The following FRAS1 variants were observed in gnomAD, a reference collection of about 807,000 sequenced individuals.
FRAS1 encodes the protein extracellular matrix organizing protein FRAS1.
Under a neutral mutation model 435.2 loss-of-function variants are expected in FRAS1, and 290 were observed. That is an observed-to-expected ratio of 0.67 (90% CI 0.61 to 0.73). The LOEUF is 0.73. Ranked by LOEUF, FRAS1 falls within the 30% of genes least tolerant of loss-of-function variation. The probability of loss-of-function intolerance (pLI) is 0.00; values close to 1 mark genes in which losing one functional copy is unlikely to be tolerated. For synonymous variants in FRAS1, 1,800 were observed against 1,851.0 expected, an observed-to-expected ratio of 0.97 and a Z score of 0.71; for missense variants, 4,860 against 5,001.5, an observed-to-expected ratio of 0.97 and a Z score of 0.85.
rs138544547 is a variant in FRAS1, at chr4:78,089,995, C to T, written c.108+23979C>T. 2.8e-3 allele frequency among the ~76,000 whole-genome samples: 429 copies of T among 152,176 alleles called. 1 individual carries two copies. The highest frequency in any genetic ancestry group is 9.8e-3 in the African/African-American group (405 of 41,518). ...CTCATGGTTTTCTGTCCCTATGTTACGAACTTCACCTTTTCATAATTTATT... is the reference window on the plus strand; with the variant it reads ...CTCATGGTTTTCTGTCCCTATGTTATGAACTTCACCTTTTCATAATTTATT... On this transcript the variant is annotated intron_variant, in intron 2 of 73. Coordinates refer to ENST00000512123, the MANE Select transcript of FRAS1 (RefSeq NM_025074.7).
intron 17 of FRAS1, among the ~76,000 whole-genome samples, chr4:78,318,334 C>G (rs1376712880): frequency 6.6e-6 from 1 of 152,156 alleles, no homozygotes; most frequent in African/African-American, 2.4e-5. Flanking sequence ...CAGAAAAATT[C>G]TAAGAGGAAT....
In FRAS1 at chr4:78,446,732, G is replaced by T. The variant is rs200547348; in HGVS notation, c.5862G>T (p.Lys1954Asn). ...ATAGTTTATGCTTTAATCAGAGGAA[G>T]AACGATGAGCCTCCCAGGATGACCT... Reference protein sequence around the residue: ...IHSINITIERKNDEPPRMTLQ... With the variant: ...IHSINITIERNNDEPPRMTLQ... Residue 1954 changes from lysine (K) to asparagine (N), a missense_variant, in exon 43 of 74, where the codon AAG (lysine) becomes AAT (asparagine). Physicochemically the swap from Lys to Asn is moderately conservative, Grantham distance 94 (BLOSUM62 0). Coordinates refer to ENST00000512123, the MANE Select transcript of FRAS1 (RefSeq NM_025074.7). The T allele has an allele frequency of 1.1e-4, 177 of 1,612,486 alleles. No individual in the cohort carries two copies. The African/African-American group carries it at 1.8e-3, about 17-fold the overall frequency.
chr4:78,305,816 A>G (rs1398739578), intron 14 of FRAS1, among the ~76,000 whole-genome samples: 1 of 151,742 alleles, frequency 6.6e-6, no homozygotes, highest in East Asian at 1.9e-4. Flanking sequence ...CTCTTTATCC[A>G]ATTTGCCAGT....
intron 54 of FRAS1, 103 bp downstream of exon 54, chr4:78,475,709 G>T: frequency 9.2e-7 from 1 of 1,088,596 alleles, no homozygotes; most frequent in South Asian, 2.0e-5. Flanking sequence ...GCTTTTCACT[G>T]GTGTCCTTCT....
chr4:78,195,571 C>G (rs1248052435), intron 2 of FRAS1, among the ~76,000 whole-genome samples: 1 of 152,220 alleles, frequency 6.6e-6, no homozygotes, highest in Non-Finnish European at 1.5e-5. Flanking sequence ...CCCTTCGAGC[C>G]AGGCGTGGGA....
At chr4:78,477,318 C>T (rs575654934) in intron 54 of FRAS1, among the ~76,000 whole-genome samples, 2 of 152,140 alleles carry the variant, frequency 1.3e-5, no homozygotes, top group African/African-American at 4.8e-5. Context: ...CTTTAGTCCT[C>T]CCAAGAAGCG....
At chr4:78,094,173 C>G (rs1245617066) in intron 2 of FRAS1, among the ~76,000 whole-genome samples, 1 of 135,566 alleles carries the variant, frequency 7.4e-6, no homozygotes, top group African/African-American at 2.8e-5. Flanking sequence ...TAGTACATCT[C>G]TATATTATCT....
intron 29 of FRAS1, among the ~76,000 whole-genome samples, chr4:78,389,652 C>T (rs376332217): frequency 2.0e-5 from 3 of 152,224 alleles, no homozygotes; most frequent in African/African-American, 7.2e-5. Context: ...TTTGTTTCTT[C>T]GTTCTTGGTT....
intron 30 of FRAS1, among the ~76,000 whole-genome samples, chr4:78,402,320 G>GA (rs1221641865): frequency 1.3e-5 from 2 of 151,598 alleles, no homozygotes; most frequent in South Asian, 2.1e-4. Flanking sequence ...TCTGTAGGGA[G>GA]AAAAAAATTA....
At position 78,534,579 on chromosome 4, in the gene FRAS1, C is replaced by T. The variant is rs4975139; in HGVS notation, c.11056C>T (p.Leu3686=). 0.46 allele frequency: 732,074 copies of T among 1,607,578 alleles called. 173,554 individuals carry two copies. The highest frequency in any genetic ancestry group is 0.78 in the East Asian group (35,115 of 44,802). ...GGATCCCAATACATCTGATATGTCA[C>T]TAGCAGAAATGGATTACAAAGGAGC... is the stretch of plus-strand genomic sequence containing the variant. The part of the protein sequence containing the change: ...LMDPNTSDMS[L]AEMDYKGAFS... Residue 3686 remains leucine, a synonymous_variant, in exon 71 of 74, where the codon CTA becomes TTA. Transcript: ENST00000512123.
intron 31 of FRAS1, among the ~76,000 whole-genome samples, chr4:78,408,666 T>C (rs1387933598): frequency 1.3e-5 from 2 of 152,210 alleles, no homozygotes; most frequent in African/African-American, 4.8e-5. Context: ...TCCTTGTCTG[T>C]CAAATAGGAT....
chr4:78,115,511 G>A (rs971587462), intron 2 of FRAS1, among the ~76,000 whole-genome samples: 1 of 152,166 alleles, frequency 6.6e-6, no homozygotes, highest in African/African-American at 2.4e-5. Flanking sequence ...TTCAGAGCCT[G>A]TTATTGATCT....
In FRAS1 at chr4:78,540,853, C is replaced by G; in HGVS notation, c.11768C>G (p.Ala3923Gly). 1 of 1,613,936 alleles carries G rather than the reference C, an allele frequency of 6.2e-7. No homozygotes were observed. The highest frequency in any genetic ancestry group is 8.5e-7 in the Non-Finnish European group (1 of 1,179,876). ...IMLLLLVFLV[A>G]CFINRKCQKQ... ...CTTCTACTTCTGGTGTTTTTGGTGGCTTGTTTTATCAACAGGAAATGCCAG... is the reference window on the plus strand; with the variant it reads ...CTTCTACTTCTGGTGTTTTTGGTGGGTTGTTTTATCAACAGGAAATGCCAG... The change falls in exon 74 of 74, where the codon GCT becomes GGT. Residue 3923 changes from alanine (A) to glycine (G), a missense_variant. Coordinates refer to ENST00000512123, the MANE Select transcript of FRAS1 (RefSeq NM_025074.7).
chr4:78,534,481 A>G lies in FRAS1; in HGVS notation c.10958A>G (p.Asn3653Ser). The change falls in exon 71 of 74, where the codon AAC becomes AGC. Residue 3653 changes from asparagine (N) to serine (S), a missense_variant. Asn to Ser is a conservative substitution (Grantham distance 46, BLOSUM62 1). Transcript: ENST00000512123. Reference sequence around the variant, plus strand: ...ATACCCATTGCATTCCAGCAGACCAACCGCCCTGTGCCAGTTGTGTATTCA... The same window carrying G: ...ATACCCATTGCATTCCAGCAGACCAGCCGCCCTGTGCCAGTTGTGTATTCA... ...FLIPIAFQQT[N>S]RPVPVVYSLN... 2 of 1,613,464 alleles carry G rather than the reference A, an allele frequency of 1.2e-6. No homozygotes were observed. Among genetic ancestry groups the G allele is most frequent in the Non-Finnish European group, 1.7e-6 (2 of 1,179,640 alleles).
intron 2 of FRAS1, among the ~76,000 whole-genome samples, chr4:78,090,063 G>T (rs905103640): frequency 1.0e-5 from 1 of 98,500 alleles, no homozygotes; most frequent in Non-Finnish European, 2.1e-5. Flanking sequence ...TGTCAGTGAA[G>T]ATCGTGGCAT....
At chr4:78,355,408 A>G (rs1348660914) in intron 20 of FRAS1, among the ~76,000 whole-genome samples, 1 of 151,982 alleles carries the variant, frequency 6.6e-6, no homozygotes, top group Non-Finnish European at 1.5e-5. Flanking sequence ...ATATTTAAAG[A>G]CTCTACTGTA....
At chr4:78,296,519 G>C (rs1728152341) in intron 14 of FRAS1, among the ~76,000 whole-genome samples, 1 of 152,114 alleles carries the variant, frequency 6.6e-6, no homozygotes, top group African/African-American at 2.4e-5. Flanking sequence ...GGCTGTGACT[G>C]GGGAGGAGGA....
chr4:78,103,591 C>T (rs766706503), intron 2 of FRAS1, among the ~76,000 whole-genome samples: 2 of 152,120 alleles, frequency 1.3e-5, no homozygotes, highest in East Asian at 1.9e-4. Context: ...CCTAAGGTAA[C>T]GGTTTTAGAA....
At chr4:78,158,591 A>G (rs1437052939) in intron 2 of FRAS1, among the ~76,000 whole-genome samples, 1 of 152,186 alleles carries the variant, frequency 6.6e-6, no homozygotes, top group African/African-American at 2.4e-5. Context: ...GGAACATTCG[A>G]TAAATTAACT....
Sources: gnomAD v4.1 joint callset for allele counts (sites outside exome capture counted in the v4.1 genomes callset) on GRCh38, gnomAD v4.1.1 for gene constraint, MANE v1.5 for transcripts, NCBI Gene and HGNC (gene_info 2026-07-23, HGNC 2026-07-21) for gene names.